Variants in TOGARAM2 observed in about 807,000 individuals in gnomAD.
TOGARAM2 encodes the protein TOG array regulator of axonemal microtubules protein 2.
In TOGARAM2, 85 loss-of-function variants were observed where a neutral mutation model predicts 93.3. The ratio of observed to expected loss-of-function variants is 0.91; its 90% confidence interval spans 0.76 to 1.09. The LOEUF is 1.09. TOGARAM2 is among the 50% of genes least tolerant of loss of function. The pLI is 0.00. For synonymous variants in TOGARAM2, 593 were observed against 552.8 expected, an observed-to-expected ratio of 1.07 and a Z score of -1.02; for missense variants, 1,277 against 1,334.5, an observed-to-expected ratio of 0.96 and a Z score of 0.67.
intron 14 of TOGARAM2, 82 bp downstream of exon 14, chr2:29,027,093 T>G: frequency 7.4e-7 from 1 of 1,359,880 alleles, no homozygotes. Context: ...CAGCTTCAGC[T>G]TCCCTGGGAT....
chr2:28,961,517 T>A (rs764250809), intron 1 of TOGARAM2, among the ~76,000 whole-genome samples: 40 of 151,880 alleles, frequency 2.6e-4, no homozygotes, highest in Non-Finnish European at 3.2e-4. Flanking sequence ...AATTTTTGTA[T>A]TTTAGTAGAG....
Position 29,020,733 on chromosome 2 carries a change from G to A in TOGARAM2, c.1361-1425G>A, listed in dbSNP as rs11904292. Among the ~76,000 whole-genome samples, 395 of 152,296 alleles carry A rather than the reference G, an allele frequency of 2.6e-3. 3 individuals are homozygous for A. The highest frequency in any genetic ancestry group is 8.2e-3 in the African/African-American group (342 of 41,560). On this transcript the variant is annotated intron_variant, in intron 10 of 19. Coordinates refer to ENST00000379558, the MANE Select transcript of TOGARAM2 (RefSeq NM_199280.4). ...GAAGACTGAGCCTCTTTTTGAGAGC[G>A]TTGCAGACAGCATGTCATTCACGTC...
rs1441886693 is a variant in TOGARAM2 at position 29,024,124 on chromosome 2, TCTC to T, written c.1618-11_1618-9del. 2.6e-6 allele frequency: 4 copies of T among 1,557,232 alleles called. No individual in the cohort carries two copies. The highest frequency in any genetic ancestry group is 1.2e-5 in the South Asian group (1 of 84,432). On this transcript the variant is annotated splice_polypyrimidine_tract_variant and intron_variant, in intron 12 of 19. Transcript: ENST00000379558. ...AGGGTCCAGCACCCTGGAGGGCCTC[TCTC>T]CTCTCTCCAAGGTCACCAACCTGCG...
chr2:29,046,352 T>A (rs1666741396), intron 19 of TOGARAM2: 1 of 152,282 alleles, frequency 6.6e-6, no homozygotes, highest in African/African-American at 2.4e-5. Context: ...GCAGGTTACT[T>A]ATCTTGGTTT....
At position 29,005,295 on chromosome 2, in the gene TOGARAM2, CATGTGT is replaced by C. The variant is rs1673647525; in HGVS notation, c.830+1614_830+1619del. ...GTGTGTGTGCATATGTGTGTGTGTG[CATGTGT>C]GTGTGTGGGGTATGTGTGCATGTGT... On this transcript the variant is annotated intron_variant, in intron 6 of 19. Transcript: ENST00000379558. 2.0e-5 allele frequency among the ~76,000 whole-genome samples: 2 copies of C among 101,436 alleles called. 1 individual carries two copies. Among genetic ancestry groups the C allele is most frequent in the South Asian group, 7.0e-4 (2 of 2,854 alleles). 66.5% of individuals were successfully genotyped at this position (101,436 alleles called of 152,430 possible). A position where few individuals can be genotyped will look rare whatever the true frequency, so the allele number is the denominator to read the frequency against.
In TOGARAM2 at chr2:29,036,693, C is replaced by T. The variant is rs1219029304; in HGVS notation, c.2571C>T (p.Asn857=). 2 of 1,613,916 alleles carry T rather than the reference C, an allele frequency of 1.2e-6. No individual in the cohort carries two copies. The highest frequency in any genetic ancestry group is 1.3e-5 in the African/African-American group (1 of 74,936). ...SIIITVADNL[N]SKNSGIYAAA... is the part of the protein sequence containing the mutation. ...TCATCACTGTTGCAGACAACCTCAACTCCAAGAACTCAGGGATTTACGCTG... is the reference window on the plus strand; with the variant it reads ...TCATCACTGTTGCAGACAACCTCAATTCCAAGAACTCAGGGATTTACGCTG... Residue 857 remains asparagine (N), a synonymous_variant, in exon 18 of 20, where the codon AAC becomes AAT. Coordinates refer to ENST00000379558, the MANE Select transcript of TOGARAM2 (RefSeq NM_199280.4).
At chr2:29,026,219 C>T (rs1438891036) in intron 13 of TOGARAM2, among the ~76,000 whole-genome samples, 5 of 152,336 alleles carry the variant, frequency 3.3e-5, no homozygotes, top group South Asian at 4.1e-4. Context: ...GTACTGTTCT[C>T]TGTACATTCA....
At chr2:29,004,634 GTGTA>G (rs1558420228) in intron 6 of TOGARAM2, among the ~76,000 whole-genome samples, 4 of 43,372 alleles carry the variant, frequency 9.2e-5, no homozygotes, top group East Asian at 8.1e-4. Context: ...GTATGTGTGA[GTGTA>G]TGTGTATGAG....
Position 29,002,523 on chromosome 2 carries a change from C to T in TOGARAM2, c.428-13C>T, listed in dbSNP as rs375764667. 20 of 1,608,662 alleles carry T rather than the reference C, an allele frequency of 1.2e-5. No individual in the cohort carries two copies. Among genetic ancestry groups the T allele is most frequent in the Non-Finnish European group, 1.6e-5 (19 of 1,176,820 alleles). The stretch of plus-strand genomic sequence containing the variant: ...CTGGGACTAACTGATTTCCCATCCC[C>T]ATCCCTGTACAGCCTCTCTGGATCC... On this transcript the variant is annotated splice_polypyrimidine_tract_variant and intron_variant, in intron 4 of 19. Coordinates refer to ENST00000379558, the MANE Select transcript of TOGARAM2 (RefSeq NM_199280.4).
intron 1 of TOGARAM2, among the ~76,000 whole-genome samples, chr2:28,985,333 T>G (rs1258028281): frequency 5.2e-5 from 2 of 38,136 alleles, no homozygotes; most frequent in Admixed American, 2.8e-4. Flanking sequence ...ATTGCTGGGG[T>G]TTTTTTTTTG....
intron 18 of TOGARAM2, among the ~76,000 whole-genome samples, chr2:29,037,221 T>A (rs1666171420): frequency 6.6e-6 from 1 of 152,144 alleles, no homozygotes; most frequent in Non-Finnish European, 1.5e-5. Flanking sequence ...AGGTATGACA[T>A]CTTGCTTCTG....
intron 1 of TOGARAM2, among the ~76,000 whole-genome samples, chr2:28,983,177 A>AATATATAAATATAT (rs1553334841): frequency 1.0e-3 from 33 of 32,362 alleles, no homozygotes; most frequent in East Asian, 6.4e-3. Flanking sequence ...TGTATATATA[A>AATATATAAATATAT]ATATATATAT....
chr2:29,018,516 A>C (rs1447971265), intron 10 of TOGARAM2: 3 of 151,108 alleles, frequency 2.0e-5, no homozygotes, highest in African/African-American at 7.3e-5. Context: ...GTGAGATTTC[A>C]TTTGGAAAGA....
chr2:29,039,974 A>G (rs77348405), intron 18 of TOGARAM2, among the ~76,000 whole-genome samples: 5 of 152,222 alleles, frequency 3.3e-5, no homozygotes, highest in African/African-American at 1.2e-4. Flanking sequence ...GCCCCTGGTC[A>G]GTACTGGAGA....
chr2:29,035,436 G>C (rs960425018), intron 16 of TOGARAM2, 28 bp from the exon 17 acceptor site: 6 of 1,329,610 alleles, frequency 4.5e-6, no homozygotes, highest in Non-Finnish European at 5.8e-6. Context: ...CTTCCCTGGG[G>C]GGTTCAGACG....
intron 1 of TOGARAM2, among the ~76,000 whole-genome samples, chr2:28,963,606 G>A (rs1671826424): frequency 6.6e-6 from 1 of 152,152 alleles, no homozygotes; most frequent in South Asian, 2.1e-4. Context: ...TGAACTACTG[G>A]CTTCAAGTGA....
intron 8 of TOGARAM2, among the ~76,000 whole-genome samples, chr2:29,016,292 A>C (rs79463511): frequency 3.2e-4 from 48 of 152,068 alleles, no homozygotes; most frequent in Non-Finnish European, 7.1e-4. Context: ...ATCGCCGTCC[A>C]AGCCCCACCA....
chr2:28,985,611 G>A (rs1672430250), intron 1 of TOGARAM2, among the ~76,000 whole-genome samples: 1 of 152,156 alleles, frequency 6.6e-6, no homozygotes, highest in Non-Finnish European at 1.5e-5. Context: ...GGTGGGGGCA[G>A]GTTCAGAAGA....
chr2:29,006,211 T>TTG (rs1210870350), intron 6 of TOGARAM2, among the ~76,000 whole-genome samples: 4 of 131,864 alleles, frequency 3.0e-5, no homozygotes, highest in Admixed American at 2.2e-4. Context: ...GTGCATGTGT[T>TTG]TGTGTGTGTG....
Sources: allele counts gnomAD v4.1 joint callset (sites outside exome capture counted in the v4.1 genomes callset), GRCh38; gene constraint gnomAD v4.1.1; transcripts MANE v1.5; gene names NCBI Gene and HGNC (gene_info 2026-07-23, HGNC 2026-07-21).